The following SLC22A23 variants were observed in gnomAD, a reference collection of about 807,000 sequenced individuals.
The protein encoded by SLC22A23 is ion transporter protein.
In SLC22A23, 26 loss-of-function variants were observed where a neutral mutation model predicts 61.0. The observed-to-expected ratio is 0.43, with a 90% confidence interval of 0.31 to 0.59. The LOEUF (loss-of-function observed/expected upper bound fraction) is 0.59, where lower values mean the gene tolerates loss of function less well. Among genes scored for constraint, SLC22A23 ranks in the 20% least tolerant of loss-of-function variants. SLC22A23 has a pLI of 0.11. For missense variants in SLC22A23, 796 were observed against 934.7 expected (o/e 0.85, Z 1.94); for synonymous variants, 430 against 413.9 (o/e 1.04, Z -0.47).
At chr6:3,361,603 G>C (rs1308760157) in intron 3 of SLC22A23, among the ~76,000 whole-genome samples, 1 of 152,208 alleles carries the variant, frequency 6.6e-6, no homozygotes, top group African/African-American at 2.4e-5. Flanking sequence ...AGAGGACAAG[G>C]GGCTGGGCCC....
chr6:3,456,407 C>A lies in SLC22A23; in HGVS notation c.153G>T (p.Gln51His). The A allele has an allele frequency of 2.8e-6, 4 of 1,434,240 alleles. No homozygotes were observed. Among genetic ancestry groups the A allele is most frequent in the Non-Finnish European group, 3.7e-6 (4 of 1,091,002 alleles). The allele number at this position is 1,434,240 out of a possible 1,614,324, so 88.8% of individuals were successfully genotyped here. A position where few individuals can be genotyped will look rare whatever the true frequency, so the allele number is the denominator to read the frequency against. ...RAGPGGGAEI[Q>H]PLPPLHPGGG... ...CTCCAGGATGCAGTGGGGGCAGCGG[C>A]TGGATCTCCGCGCCGCCGCCGGGGC... Residue 51 changes from glutamine (Q) to histidine (H), a missense_variant, in exon 1 of 10, where the codon CAG (glutamine) becomes CAT (histidine). Transcript: ENST00000406686. This position sits in a 1 kb window ranked among gnomAD's most constrained non-coding sequence, Gnocchi z 7.1.
At position 3,437,457 on chromosome 6, in the gene SLC22A23, C is replaced by A. The variant is rs1004312578; in HGVS notation, c.654+18449G>T. ...CTTTGGGAGGCCGAGGTGGGCGGAT[C>A]ATGAGGTCACGAGATGGAGACCACC... On this transcript the variant is annotated intron_variant, in intron 1 of 9. Transcript: ENST00000406686. 2.0e-5 allele frequency among the ~76,000 whole-genome samples: 3 copies of A among 152,028 alleles called. No individual in the cohort carries two copies. The East Asian group carries it at 5.8e-4, about 30-fold the overall frequency.
chr6:3,355,118 T>C (rs1297291719), intron 3 of SLC22A23, among the ~76,000 whole-genome samples: 3 of 151,750 alleles, frequency 2.0e-5, no homozygotes, highest in African/African-American at 7.3e-5. Context: ...AATCCTTATC[T>C]TTGGGCTCCT....
intron 3 of SLC22A23, among the ~76,000 whole-genome samples, chr6:3,389,465 T>C (rs984997000): frequency 6.6e-6 from 1 of 152,190 alleles, no homozygotes. Flanking sequence ...AGTAGGAGAC[T>C]GTGACCAGAG....
Position 3,414,396 on chromosome 6 carries a change from G to A in SLC22A23, c.758+1356C>T, listed in dbSNP as rs368611926. Among the ~76,000 whole-genome samples the A allele has an allele frequency of 5.9e-5, 9 of 152,128 alleles. No individual in the cohort carries two copies. Among genetic ancestry groups the A allele is most frequent in the African/African-American group, 1.7e-4 (7 of 41,428 alleles). ...AGAAAGCCCCCAAGAGGTCCCCTGCGTAGGTCTCCAGAGGTCACTGACTGC... is the reference window on the plus strand; with the variant it reads ...AGAAAGCCCCCAAGAGGTCCCCTGCATAGGTCTCCAGAGGTCACTGACTGC... On this transcript the variant is annotated intron_variant, in intron 2 of 9. Coordinates refer to ENST00000406686, the MANE Select transcript of SLC22A23 (RefSeq NM_015482.2). This position sits in a 1 kb window ranked among gnomAD's most constrained non-coding sequence, Gnocchi z 5.1.
At chr6:3,282,170 T>C in intron 9 of SLC22A23, 2 of 702,262 alleles carry the variant, frequency 2.8e-6, no homozygotes, top group Non-Finnish European at 5.2e-6. Flanking sequence ...GATTCTGGTC[T>C]ATTGAAAGAC....
chr6:3,284,471 C>T (rs913306576), intron 8 of SLC22A23, among the ~76,000 whole-genome samples: 9 of 152,218 alleles, frequency 5.9e-5, no homozygotes, highest in Non-Finnish European at 1.0e-4. Context: ...AGACCGACCT[C>T]GCGCCAGGAC....
At chr6:3,428,076 C>A (rs574225663) in intron 1 of SLC22A23, among the ~76,000 whole-genome samples, 1 of 152,350 alleles carries the variant, frequency 6.6e-6, no homozygotes, top group East Asian at 1.9e-4. Flanking sequence ...AGGATCACTA[C>A]CCTGAGAACT....
rs1441659769 is a variant in SLC22A23, at chr6:3,454,658, G to T, written c.654+1248C>A. Among the ~76,000 whole-genome samples the T allele has an allele frequency of 6.6e-6, 1 of 152,168 alleles. No homozygotes were observed. The highest frequency in any genetic ancestry group is 2.4e-5 in the African/African-American group (1 of 41,428). On this transcript the variant is annotated intron_variant, in intron 1 of 9. Coordinates refer to ENST00000406686, the MANE Select transcript of SLC22A23 (RefSeq NM_015482.2). The surrounding 1 kb of genome is among the most constrained non-coding windows in gnomAD (Gnocchi z 4.3). The stretch of plus-strand genomic sequence containing the variant: ...GGGGTAGGAGGTGGGTGGGATCAAG[G>T]TGAACCCAGCTAGAAGGACCTTCCC...
At chr6:3,435,493 C>A (rs556202107) in intron 1 of SLC22A23, among the ~76,000 whole-genome samples, 2 of 152,306 alleles carry the variant, frequency 1.3e-5, no homozygotes, top group African/African-American at 2.4e-5. Context: ...CTAGTACCTG[C>A]AGCCTTCTGT....
At chr6:3,416,675 G>A (rs1382602184) in intron 1 of SLC22A23, among the ~76,000 whole-genome samples, 13 of 152,226 alleles carry the variant, frequency 8.5e-5, no homozygotes, top group Admixed American at 8.5e-4. Flanking sequence ...GGGCCAGAGG[G>A]GCACATAAGC....
At chr6:3,325,492 T>C (rs1763225012) in intron 3 of SLC22A23, among the ~76,000 whole-genome samples, 1 of 152,184 alleles carries the variant, frequency 6.6e-6, no homozygotes, top group Non-Finnish European at 1.5e-5. Flanking sequence ...AGAAACCAGA[T>C]TTCACTGATT....
chr6:3,439,797 A>G (rs1771469433), intron 1 of SLC22A23, among the ~76,000 whole-genome samples: 1 of 152,036 alleles, frequency 6.6e-6, no homozygotes, highest in South Asian at 2.1e-4. Context: ...GGAAACGGGA[A>G]GGGAGGAAGA....
chr6:3,358,625 A>T (rs1765255702), intron 3 of SLC22A23, among the ~76,000 whole-genome samples: 1 of 152,200 alleles, frequency 6.6e-6, no homozygotes, highest in Non-Finnish European at 1.5e-5. Context: ...GGCAGGCGAG[A>T]TGAATAAGCT....
chr6:3,328,869 G>A lies in SLC22A23; in HGVS notation c.914-4867C>T, dbSNP rs1005846620. 8.6e-5 allele frequency among the ~76,000 whole-genome samples: 13 copies of A among 151,600 alleles called. No homozygotes were observed. Among genetic ancestry groups the A allele is most frequent in the Non-Finnish European group, 1.8e-4 (12 of 67,982 alleles). ...CACACAGGCTCACACGAGGCCTCCC[G>A]TGAAGCCCATCTCCGAAGCTGCACC... On this transcript the variant is annotated intron_variant, in intron 3 of 9. Transcript: ENST00000406686. This position sits in a 1 kb window ranked among gnomAD's most constrained non-coding sequence, Gnocchi z 5.0.
intron 1 of SLC22A23, among the ~76,000 whole-genome samples, chr6:3,431,393 G>C (rs1018055634): frequency 2.6e-5 from 4 of 152,232 alleles, no homozygotes; most frequent in Admixed American, 1.3e-4. Flanking sequence ...CCTAAGCCTG[G>C]CTCTGCAGGG....
In SLC22A23 at chr6:3,297,718, A is replaced by G. The variant is rs1386970562; in HGVS notation, c.1210+373T>C. 2.0e-5 allele frequency among the ~76,000 whole-genome samples: 3 copies of G among 152,212 alleles called. No homozygotes were observed. The highest frequency in any genetic ancestry group is 4.4e-5 in the Non-Finnish European group (3 of 68,044). ...GGCTCTCTGAAGGTCATGCTCAGGA[A>G]AGCTGAGGTCACAGGGGCCATCTAC... is the stretch of plus-strand genomic sequence containing the variant. On this transcript the variant is annotated intron_variant, in intron 5 of 9. Coordinates refer to ENST00000406686, the MANE Select transcript of SLC22A23 (RefSeq NM_015482.2). This position sits in a 1 kb window ranked among gnomAD's most constrained non-coding sequence, Gnocchi z 4.3.
At chr6:3,443,377 T>C (rs181789534) in intron 1 of SLC22A23, among the ~76,000 whole-genome samples, 3 of 152,246 alleles carry the variant, frequency 2.0e-5, no homozygotes, top group Non-Finnish European at 2.9e-5. Flanking sequence ...ACTGTGTTGG[T>C]GACTGTCCAA....
Position 3,427,394 on chromosome 6 carries a change from C to T in SLC22A23, c.655-11539G>A, listed in dbSNP as rs567444897. 1.6e-4 allele frequency among the ~76,000 whole-genome samples: 25 copies of T among 152,080 alleles called. No individual in the cohort carries two copies. Among genetic ancestry groups the T allele is most frequent in the African/African-American group, 5.8e-4 (24 of 41,404 alleles). ...GGGTTTTGATTACTTAGAGTCTGAG[C>T]TATTCATTTTAGCCTCACCCCTAAC... On this transcript the variant is annotated intron_variant, in intron 1 of 9. Coordinates refer to ENST00000406686, the MANE Select transcript of SLC22A23 (RefSeq NM_015482.2). This position sits in a 1 kb window ranked among gnomAD's most constrained non-coding sequence, Gnocchi z 4.3.
Sources: gnomAD v4.1 joint callset for allele counts (sites outside exome capture counted in the v4.1 genomes callset) on GRCh38, gnomAD v4.1.1 for gene constraint, Gnocchi (gnomAD v3.1) non-coding constraint, MANE v1.5 for transcripts, NCBI Gene and HGNC (gene_info 2026-07-23, HGNC 2026-07-21) for gene names.